PACS2: variants seen among roughly 807,000 people sequenced by gnomAD.
PACS2 encodes PACS1-like protein.
Under a neutral mutation model 113.0 loss-of-function variants are expected in PACS2, and 36 were observed. The observed-to-expected ratio is 0.32, with a 90% CI of 0.24 to 0.42. The LOEUF (loss-of-function observed/expected upper bound fraction) is 0.42. Ranked by LOEUF, PACS2 falls within the 10% of genes least tolerant of loss-of-function variation. PACS2 has a pLI of 1.00. For synonymous variants in PACS2, 589 were observed against 536.1 expected (o/e 1.10, Z -1.36); for missense variants, 1,015 against 1,239.5 (o/e 0.82, Z 2.72).
At chr14:105,383,845 A>G (rs2081079879) in intron 16 of PACS2, 1 of 337,454 alleles carries the variant, frequency 3.0e-6, no homozygotes. Flanking sequence ...TGATAACTCT[A>G]TGCCAGTTTC....
rs1412620799 is a variant in PACS2 at position 105,355,610 on chromosome 14, C to G, written c.423+433C>G. Among the ~76,000 whole-genome samples the G allele has an allele frequency of 6.6e-6, 1 of 152,226 alleles. No individual in the cohort carries two copies. The highest frequency in any genetic ancestry group is 1.5e-5 in the Non-Finnish European group (1 of 68,038). ...GGCTGAGCAGGAGCAGGACAGGTGT[C>G]AGTTCTGTGAAGGGGCTAGCGACAA... is the stretch of plus-strand genomic sequence containing the variant. On this transcript the variant is annotated intron_variant, in intron 4 of 24. Coordinates refer to ENST00000447393, the MANE Select transcript of PACS2 (RefSeq NM_001100913.3). The surrounding 1 kb of genome is among the most constrained non-coding windows in gnomAD (Gnocchi z 4.1).
intron 1 of PACS2, among the ~76,000 whole-genome samples, chr14:105,302,779 C>T (rs2058079044): frequency 6.6e-6 from 1 of 151,602 alleles, no homozygotes; most frequent in South Asian, 2.1e-4. Flanking sequence ...GGGTTTTTGC[C>T]TCATTTGCCC....
At chr14:105,368,617 A>G (rs1555408603) in intron 7 of PACS2, 78 bp downstream of exon 7, 36 of 1,104,700 alleles carry the variant, frequency 3.3e-5, no homozygotes, top group Non-Finnish European at 1.4e-6. Context: ...CGTGGGGGGG[A>G]CACGGGCGTG....
intron 19 of PACS2, among the ~76,000 whole-genome samples, chr14:105,387,605 T>C (rs1242566311): frequency 6.6e-6 from 1 of 152,220 alleles, no homozygotes; most frequent in Non-Finnish European, 1.5e-5. Flanking sequence ...CCTGTCATAT[T>C]GGCCCATGTC....
chr14:105,361,715 C>T (rs2060688579), intron 4 of PACS2, among the ~76,000 whole-genome samples: 1 of 152,104 alleles, frequency 6.6e-6, no homozygotes, highest in African/African-American at 2.4e-5. Context: ...TTTGGGAGGC[C>T]AAGGCGGGCA....
intron 11 of PACS2, among the ~76,000 whole-genome samples, chr14:105,380,557 C>T (rs1414573802): frequency 7.1e-6 from 1 of 141,424 alleles, no homozygotes; most frequent in Non-Finnish European, 1.5e-5. Flanking sequence ...CTGGGTTCCC[C>T]AGACTCACCC....
At position 105,383,269 on chromosome 14, in the gene PACS2, C is replaced by T. The variant is rs782386513; in HGVS notation, c.1626-90C>T. On this transcript the variant is annotated intron_variant, in intron 15 of 24. Coordinates refer to ENST00000447393, the MANE Select transcript of PACS2 (RefSeq NM_001100913.3). ...GGCATGAGCGGCCACAGGCACGGAGCCCCCTGGGCTCACACTGGCATCCTT... is the reference window on the plus strand; with the variant it reads ...GGCATGAGCGGCCACAGGCACGGAGTCCCCTGGGCTCACACTGGCATCCTT... 4.5e-5 allele frequency: 65 copies of T among 1,450,518 alleles called. 1 individual carries two copies. In the South Asian group the frequency reaches 6.5e-4, roughly 14 times the overall value. The allele number at this position is 1,450,518 out of a possible 1,614,324, so 89.9% of individuals were successfully genotyped here.
In PACS2 at chr14:105,391,398, G is replaced by C; in HGVS notation, c.2119+149G>C. The C allele has an allele frequency of 4.3e-6, 3 of 695,708 alleles. No individual in the cohort carries two copies. In the South Asian group the frequency reaches 5.1e-5, roughly 12 times the overall value. The allele number at this position is 695,708 out of a possible 1,614,324, so 43.1% of individuals were successfully genotyped here. ...GCTGTGGTGCTTCTGTCCTGCGGGG[G>C]GTTCATCCTCCAAGGACTGCTGTCA... On this transcript the variant is annotated intron_variant, in intron 21 of 24. Transcript: ENST00000447393.
chr14:105,391,877 C>A (rs2081370692), intron 22 of PACS2, 111 bp downstream of exon 22: 1 of 1,168,918 alleles, frequency 8.6e-7, no homozygotes, highest in Non-Finnish European at 1.2e-6. Context: ...CCTGGCCTGT[C>A]AGCCACGAAG....
intron 1 of PACS2, among the ~76,000 whole-genome samples, chr14:105,321,511 C>T (rs1282950324): frequency 2.0e-5 from 3 of 151,722 alleles, no homozygotes; most frequent in Non-Finnish European, 4.4e-5. Context: ...TACAGGTGTG[C>T]ACCACCACAC....
At chr14:105,327,880 C>T (rs1012906541) in intron 1 of PACS2, among the ~76,000 whole-genome samples, 2 of 151,084 alleles carry the variant, frequency 1.3e-5, no homozygotes, top group African/African-American at 2.4e-5. Flanking sequence ...CATTGACAGC[C>T]GAGCCTTGGC....
intron 19 of PACS2, 83 bp downstream of exon 19, chr14:105,385,800 C>T (rs1555413479): frequency 2.4e-6 from 2 of 824,734 alleles, no homozygotes; most frequent in South Asian, 2.3e-5. Context: ...ACGTAGGAAT[C>T]ACCCCGCTGT....
chr14:105,310,533 C>CAAAAAAAAAAAAAAAAAAAAAAAAAA (rs764203821), upstream of PACS2, among the ~76,000 whole-genome samples: 1 of 79,742 alleles, frequency 1.3e-5, no homozygotes, highest in Non-Finnish European at 2.3e-5. Context: ...GACTCTGTCT[C>CAAAAAAAAAAAAAAAAAAAAAAAAAA]AAAAAAAAAA....
chr14:105,327,013 A>G (rs965253110), intron 1 of PACS2, among the ~76,000 whole-genome samples: 1 of 151,566 alleles, frequency 6.6e-6, no homozygotes, highest in Non-Finnish European at 1.5e-5. Flanking sequence ...GAATCGACGC[A>G]CTCTTGGCTC....
chr14:105,377,049 G>A (rs956668113), intron 9 of PACS2, 124 bp downstream of exon 9: 2 of 1,018,866 alleles, frequency 2.0e-6, no homozygotes, highest in Non-Finnish European at 1.4e-6. Context: ...CTGCCTCGAA[G>A]CCTGGGAAGG....
chr14:105,346,396 T>C (rs587759265), intron 1 of PACS2, among the ~76,000 whole-genome samples: 43 of 152,010 alleles, frequency 2.8e-4, no homozygotes, highest in Admixed American at 7.9e-4. Flanking sequence ...CTTTGATGGC[T>C]GTCAGGCACT....
intron 1 of PACS2, among the ~76,000 whole-genome samples, chr14:105,305,164 G>T (rs1317401655): frequency 6.6e-6 from 1 of 152,198 alleles, no homozygotes; most frequent in Non-Finnish European, 1.5e-5. Context: ...ACTTTGGGAG[G>T]CTGAGGAGGG....
intron 4 of PACS2, among the ~76,000 whole-genome samples, chr14:105,364,944 T>A (rs1020766019): frequency 5.3e-5 from 8 of 152,186 alleles, no homozygotes; most frequent in Non-Finnish European, 1.2e-4. Context: ...GCCATCCACC[T>A]GCCTCAACCT....
upstream of PACS2, among the ~76,000 whole-genome samples, chr14:105,313,463 G>A (rs912422171): frequency 9.8e-5 from 15 of 152,332 alleles, 1 homozygote; most frequent in South Asian, 6.2e-4. Flanking sequence ...GGGGCGCGTG[G>A]GAAACACAGA....
Sources: gnomAD v4.1 joint callset for allele counts (sites outside exome capture counted in the v4.1 genomes callset) on GRCh38, gnomAD v4.1.1 for gene constraint, Gnocchi (gnomAD v3.1) non-coding constraint, MANE v1.5 for transcripts, NCBI Gene and HGNC (gene_info 2026-07-23, HGNC 2026-07-21) for gene names.